Variants in TRPM3 observed in about 807,000 individuals in gnomAD.
The protein encoded by TRPM3 is long transient receptor potential channel 3.
TRPM3 carries 77 observed loss-of-function variants against 181.2 expected under a neutral mutation model. The observed-to-expected ratio is 0.42, with a 90% CI of 0.35 to 0.51. TRPM3 has a LOEUF of 0.51. Ranked by LOEUF, TRPM3 falls within the 20% of genes least tolerant of loss-of-function variation. TRPM3 has a pLI of 0.01. For missense variants in TRPM3, 1,759 were observed against 2,196.7 expected (o/e 0.80, Z 3.98); for synonymous variants, 745 against 796.4 (o/e 0.94, Z 1.09).
At chr9:71,305,891 T>C (rs2087257092) in intron 1 of TRPM3, among the ~76,000 whole-genome samples, 1 of 152,172 alleles carries the variant, frequency 6.6e-6, no homozygotes. Context: ...AAAAAAAATC[T>C]ATCTTATAGG....
At chr9:70,826,979 T>A (rs2093593917) in intron 6 of TRPM3, 1 of 152,216 alleles carries the variant, frequency 6.6e-6, no homozygotes, top group South Asian at 2.1e-4. Context: ...GCTGTTTTGA[T>A]GATGCTACCT....
intron 19 of TRPM3, 116 bp from the exon 20 acceptor site, chr9:70,603,586 G>T: frequency 2.6e-6 from 3 of 1,146,478 alleles, no homozygotes; most frequent in South Asian, 1.8e-5. Context: ...CAGACTTTAT[G>T]ACAAAAGGAA....
chr9:71,161,509 G>A (rs2076270621), intron 1 of TRPM3, among the ~76,000 whole-genome samples: 1 of 152,148 alleles, frequency 6.6e-6, no homozygotes, highest in Non-Finnish European at 1.5e-5. Context: ...CCTGATATCT[G>A]TTGTTACGTC....
chr9:70,905,291 C>G (rs373854300), intron 1 of TRPM3, among the ~76,000 whole-genome samples: 1 of 152,160 alleles, frequency 6.6e-6, no homozygotes, highest in South Asian at 2.1e-4. Flanking sequence ...TACACATTGA[C>G]ATATTAAAGA....
intron 1 of TRPM3, among the ~76,000 whole-genome samples, chr9:71,014,792 T>G (rs1031624631): frequency 6.6e-6 from 1 of 152,108 alleles, no homozygotes; most frequent in African/African-American, 2.4e-5. Flanking sequence ...TATGAAAATC[T>G]TTTTTTCCTC....
chr9:70,693,056 A>G (rs557568519), intron 8 of TRPM3, among the ~76,000 whole-genome samples: 1 of 152,334 alleles, frequency 6.6e-6, no homozygotes, highest in South Asian at 2.1e-4. Flanking sequence ...ATGAGGGCAA[A>G]AAATGGAAAC....
chr9:70,756,633 C>T (rs1294587040), intron 8 of TRPM3, among the ~76,000 whole-genome samples: 1 of 151,678 alleles, frequency 6.6e-6, no homozygotes, highest in Non-Finnish European at 1.5e-5. Context: ...CGGAAACCAA[C>T]AGTCTCTCAG....
At chr9:70,667,877 C>A (rs2062064467) in intron 9 of TRPM3, among the ~76,000 whole-genome samples, 1 of 152,198 alleles carries the variant, frequency 6.6e-6, no homozygotes, top group Non-Finnish European at 1.5e-5. Flanking sequence ...CACATGGCCC[C>A]AACTTCTCTG....
intron 1 of TRPM3, among the ~76,000 whole-genome samples, chr9:70,919,872 C>T (rs914227442): frequency 4.6e-5 from 7 of 151,750 alleles, no homozygotes; most frequent in East Asian, 1.9e-4. Context: ...ATTTTATTTG[C>T]GTATGCTCTT....
At chr9:71,345,886 T>A (rs1212391789) in intron 1 of TRPM3, among the ~76,000 whole-genome samples, 3 of 152,190 alleles carry the variant, frequency 2.0e-5, no homozygotes, top group Non-Finnish European at 4.4e-5. Context: ...CTAGAATGGC[T>A]CACCTTGAAA....
chr9:71,406,317 C>G (rs1313564938), intron 1 of TRPM3, among the ~76,000 whole-genome samples: 1 of 152,098 alleles, frequency 6.6e-6, no homozygotes, highest in African/African-American at 2.4e-5. Context: ...TACAAATATA[C>G]TCTATAGAAA....
At chr9:71,211,960 T>A (rs1288350043) in intron 1 of TRPM3, among the ~76,000 whole-genome samples, 4 of 152,122 alleles carry the variant, frequency 2.6e-5, no homozygotes, top group Non-Finnish European at 4.4e-5. Flanking sequence ...AAACTTACAT[T>A]TGTAAATCAT....
chr9:71,352,888 G>A (rs776126656), intron 1 of TRPM3, among the ~76,000 whole-genome samples: 8 of 152,042 alleles, frequency 5.3e-5, no homozygotes, highest in African/African-American at 1.9e-4. Flanking sequence ...CTTCCAACAC[G>A]ATTCGAAACT....
chr9:70,824,732 T>C (rs2093438733), intron 6 of TRPM3: 4 of 152,152 alleles, frequency 2.6e-5, no homozygotes, highest in Non-Finnish European at 5.9e-5. Flanking sequence ...GGCCATAAAA[T>C]TTTATTTTTA....
intron 1 of TRPM3, among the ~76,000 whole-genome samples, chr9:71,436,957 T>C (rs2094050687): frequency 6.6e-6 from 1 of 152,240 alleles, no homozygotes; most frequent in Non-Finnish European, 1.5e-5. Flanking sequence ...TTTGACAATA[T>C]ATTTTTACAA....
At chr9:71,013,551 G>A (rs2097762479) in intron 1 of TRPM3, among the ~76,000 whole-genome samples, 1 of 151,854 alleles carries the variant, frequency 6.6e-6, no homozygotes, top group African/African-American at 2.4e-5. Flanking sequence ...ATTTATGCAT[G>A]AGACTATCTG....
chr9:71,247,783 T>C (rs947833703), intron 1 of TRPM3, among the ~76,000 whole-genome samples: 4 of 152,194 alleles, frequency 2.6e-5, no homozygotes, highest in Non-Finnish European at 5.9e-5. Context: ...TCATTAGTGA[T>C]GGTCTAGAAT....
chr9:70,952,975 T>G (rs1011263102), intron 1 of TRPM3, among the ~76,000 whole-genome samples: 15 of 152,234 alleles, frequency 9.9e-5, no homozygotes, highest in South Asian at 2.1e-4. Context: ...ATTTCTCTAC[T>G]GACCAAATAA....
chr9:70,700,866 T>A (rs2072308358), intron 8 of TRPM3, among the ~76,000 whole-genome samples: 1 of 152,224 alleles, frequency 6.6e-6, no homozygotes, highest in African/African-American at 2.4e-5. Flanking sequence ...GTGCTAAATA[T>A]GCTAAACGTT....
Sources: allele counts gnomAD v4.1 joint callset (sites outside exome capture counted in the v4.1 genomes callset), GRCh38; gene constraint gnomAD v4.1.1; transcripts MANE v1.5; gene names NCBI Gene and HGNC (gene_info 2026-07-23, HGNC 2026-07-21).